USH1C: variants seen among roughly 807,000 people sequenced by gnomAD.
The protein encoded by USH1C is harmonin.
Under a neutral mutation model 119.3 loss-of-function variants are expected in USH1C, and 90 were observed. The observed-to-expected ratio is 0.75, with a 90% confidence interval of 0.64 to 0.90. The LOEUF is 0.90. Ranked by LOEUF, USH1C falls within the 40% of genes least tolerant of loss-of-function variation. The pLI, the probability that USH1C is intolerant of heterozygous loss-of-function variation, is 0.00. For missense variants in USH1C, 1,165 were observed against 1,167.7 expected (o/e 1.00, Z 0.03); for synonymous variants, 465 against 443.3 (o/e 1.05, Z -0.62).
intron 16 of USH1C, 30 bp from the exon 17 acceptor site, chr11:17,510,551 A>G (rs757225732): frequency 7.9e-6 from 12 of 1,525,528 alleles, no homozygotes; most frequent in Non-Finnish European, 1.1e-5. Context: ...CAGAAAGGAG[A>G]GGACAAAGGG....
intron 10 of USH1C, 34 bp from the exon 11 acceptor site, chr11:17,523,301 G>C (rs752345944): frequency 5.6e-6 from 9 of 1,614,030 alleles, no homozygotes; most frequent in South Asian, 1.1e-5. Flanking sequence ...GCCGAGGCCT[G>C]ACAGACCACA....
At chr11:17,532,526 T>C (rs1025165492) in intron 2 of USH1C, among the ~76,000 whole-genome samples, 2 of 152,092 alleles carry the variant, frequency 1.3e-5, no homozygotes, top group Admixed American at 6.5e-5. Flanking sequence ...TCTCTAACTC[T>C]TAGGCTCAAG....
In USH1C at chr11:17,526,371, A is replaced by T. The variant is rs751387157; in HGVS notation, c.650T>A (p.Val217Glu). ...NKEKKVFISL[V>E]GSRGLGCSIS... ...CCTGCAGCCAAGGCCTCGGGAGCCT[A>T]CCAGGCTGATGAAGACCTTCTTCTC... Residue 217 changes from valine (V) to glutamate (E), a missense_variant, in exon 8 of 27, where the codon GTA (valine) becomes GAA (glutamate). Physicochemically the swap from Val to Glu is moderately radical, Grantham distance 121. Transcript: ENST00000005226. 4.7e-5 allele frequency: 76 copies of T among 1,613,866 alleles called. No individual in the cohort carries two copies. The highest frequency in any genetic ancestry group is 6.2e-5 in the Non-Finnish European group (73 of 1,179,934).
At chr11:17,542,548 T>C (rs539958070) in intron 1 of USH1C, among the ~76,000 whole-genome samples, 159 of 152,300 alleles carry the variant, frequency 1.0e-3, no homozygotes, top group African/African-American at 3.6e-3. Flanking sequence ...TCTGAGGCCC[T>C]TTGGAGCCTG....
At chr11:17,523,347 C>A in intron 10 of USH1C, 72 bp downstream of exon 10, 1 of 1,613,742 alleles carries the variant, frequency 6.2e-7, no homozygotes, top group South Asian at 1.1e-5. Context: ...GCCCCAGGCT[C>A]CAGGGTGGTG....
intron 1 of USH1C, among the ~76,000 whole-genome samples, chr11:17,542,616 C>T (rs1418288899): frequency 6.6e-6 from 1 of 152,140 alleles, no homozygotes; most frequent in Non-Finnish European, 1.5e-5. Context: ...CACCAGGGAC[C>T]CTGGAGATGA....
At position 17,533,288 on chromosome 11, in the gene USH1C, TC is replaced by T; in HGVS notation, c.70del (p.Asp24ThrfsTer23). The T allele has an allele frequency of 6.2e-7, 1 of 1,613,588 alleles. No homozygotes were observed. Among genetic ancestry groups the T allele is most frequent in the Non-Finnish European group, 8.5e-7 (1 of 1,179,780 alleles). On this transcript the variant is annotated frameshift_variant, in exon 2 of 27. Coordinates refer to ENST00000005226, the MANE Select transcript of USH1C (RefSeq NM_153676.4). LOFTEE classifies it high-confidence loss of function. ...CATTCGCAGCACATCATAGAGATAG[TC>T]CTTCTCTGCATCATTTTCAATCAGA... ...DFLIENDAEKDYLYDVLRMYH... is the reference protein window; with the variant it reads ...DFLIENDAEKXYLYDVLRMYH...
chr11:17,521,127 G>A (rs941792788), intron 13 of USH1C, 133 bp from the exon 14 acceptor site: 10 of 1,296,744 alleles, frequency 7.7e-6, no homozygotes, highest in South Asian at 2.4e-5. Flanking sequence ...CAAAGTCCCC[G>A]AGCTTGTATT....
In USH1C at chr11:17,494,222, G is replaced by T; in HGVS notation, c.*110C>A. 1 of 1,341,758 alleles carries T rather than the reference G, an allele frequency of 7.5e-7. No homozygotes were observed. The highest frequency in any genetic ancestry group is 1.0e-6 in the Non-Finnish European group (1 of 956,268). The allele number at this position is 1,341,758 out of a possible 1,614,324, so 83.1% of individuals were successfully genotyped here. A position where few individuals can be genotyped will look rare whatever the true frequency, so the allele number is the denominator to read the frequency against. On this transcript the variant is annotated 3_prime_UTR_variant, in exon 27 of 27. Transcript: ENST00000005226. ...GGGCCAAAGGGAGTTTGAGATTCCT[G>T]GGTGATAGATTCAGGTCCCAAGGAT...
At chr11:17,534,168 C>T (rs994808085) in intron 1 of USH1C, among the ~76,000 whole-genome samples, 2 of 152,234 alleles carry the variant, frequency 1.3e-5, no homozygotes, top group Non-Finnish European at 1.5e-5. Context: ...TCACTGGGTC[C>T]CTCTCTCCTC....
At chr11:17,509,917 T>G in intron 17 of USH1C, 79 bp from the exon 18 acceptor site, 2 of 1,484,892 alleles carry the variant, frequency 1.3e-6, no homozygotes, top group Non-Finnish European at 1.8e-6. Flanking sequence ...CACTATGCTC[T>G]TCTAATCTGT....
In USH1C at chr11:17,516,290, G is replaced by A. The variant is rs778176996; in HGVS notation, c.1211C>T (p.Ser404Phe). The A allele has an allele frequency of 1.9e-6, 3 of 1,612,900 alleles. No individual in the cohort carries two copies. The highest frequency in any genetic ancestry group is 2.2e-5 in the East Asian group (1 of 44,874). ...ATCGTAACGATAAAACCATCCAAAA[G>A]CTATAAGACACAGATAACAAAATGA... ...VHPVPLRKPK[S>F]FGWFYRYDGK... Residue 404 changes from serine (S) to phenylalanine (F), a missense_variant and splice_region_variant, in exon 15 of 27, where the codon TCT (serine) becomes TTT (phenylalanine). Ser to Phe is a radical substitution (Grantham distance 155). Coordinates refer to ENST00000005226, the MANE Select transcript of USH1C (RefSeq NM_153676.4).
At chr11:17,518,978 G>A (rs1591995887) in intron 14 of USH1C, among the ~76,000 whole-genome samples, 3 of 151,764 alleles carry the variant, frequency 2.0e-5, no homozygotes, top group Non-Finnish European at 2.9e-5. Flanking sequence ...CTGAGATCAC[G>A]CCATGGCACT....
chr11:17,505,992 G>C, intron 18 of USH1C, 43 bp from the exon 19 acceptor site: 1 of 1,613,734 alleles, frequency 6.2e-7, no homozygotes, highest in Non-Finnish European at 8.5e-7. Flanking sequence ...GGTCATGGTG[G>C]GGTGGCCAAG....
intron 19 of USH1C, 31 bp downstream of exon 19, chr11:17,505,799 A>G: frequency 6.2e-7 from 1 of 1,613,714 alleles, no homozygotes; most frequent in Non-Finnish European, 8.5e-7. Flanking sequence ...GCTCCTCTAG[A>G]GACAACCTGG....
chr11:17,531,247 G>C lies in USH1C; in HGVS notation c.294C>G (p.Leu98=), dbSNP rs34055234. 6.2e-7 allele frequency: 1 copy of C among 1,614,120 alleles called. No homozygotes were observed. Among genetic ancestry groups the C allele is most frequent in the Admixed American group, 1.7e-5 (1 of 60,034 alleles). The change falls in exon 4 of 27, where the codon CTC becomes CTG. Residue 98 remains leucine, a synonymous_variant. Transcript: ENST00000005226. The surrounding 1 kb of genome is among the most constrained non-coding windows in gnomAD (Gnocchi z 4.2). Reference sequence around the variant, plus strand: ...CCAGGCCACCACGCACACTCAGGCCGAGGCCTTCGGGGTGCAGACGGTCCA... The same window carrying C: ...CCAGGCCACCACGCACACTCAGGCCCAGGCCTTCGGGGTGCAGACGGTCCA... The part of the protein sequence containing the change: ...VRLDRLHPEG[L]GLSVRGGLEF...
At chr11:17,543,828 CAG>C (rs994065081) in intron 1 of USH1C, among the ~76,000 whole-genome samples, 57 of 152,208 alleles carry the variant, frequency 3.7e-4, no homozygotes, top group African/African-American at 1.3e-3. Context: ...GGTCAAAAGG[CAG>C]AGAGAGAGAC....
intron 4 of USH1C, among the ~76,000 whole-genome samples, chr11:17,528,864 C>A (rs1229324686): frequency 6.6e-6 from 1 of 152,228 alleles, no homozygotes; most frequent in African/African-American, 2.4e-5. Flanking sequence ...AGGACAGCGG[C>A]CAGACTAACT....
Position 17,505,898 on chromosome 11 carries a change from A to G in USH1C, c.2065T>C (p.Ser689Pro). The change falls in exon 19 of 27, where the codon TCC becomes CCC. Residue 689 changes from serine to proline, a missense_variant. Ser to Pro is a moderately conservative substitution (Grantham distance 74). Transcript: ENST00000005226. ...PPRGPGVSTI[S>P]KPVMVHQEPN... The stretch of plus-strand genomic sequence containing the variant: ...TCCTGGTGGACCATGACAGGTTTGG[A>G]GATGGTGGACACGCCAGGGCCTCGT... The G allele has an allele frequency of 6.2e-7, 1 of 1,614,138 alleles. No homozygotes were observed. The highest frequency in any genetic ancestry group is 8.5e-7 in the Non-Finnish European group (1 of 1,180,022).
Sources: allele counts gnomAD v4.1 joint callset (sites outside exome capture counted in the v4.1 genomes callset), GRCh38; gene constraint gnomAD v4.1.1; non-coding constraint Gnocchi (gnomAD v3.1); transcripts MANE v1.5; gene names NCBI Gene and HGNC (gene_info 2026-07-23, HGNC 2026-07-21).